CLASP1: variants seen among roughly 807,000 people sequenced by gnomAD.
CLASP1 encodes cytoplasmic linker associated protein 1, also known as CLIP-associating protein 1.
Under a neutral mutation model 192.3 loss-of-function variants are expected in CLASP1, and 38 were observed. The ratio of observed to expected loss-of-function variants is 0.20; its 90% CI spans 0.15 to 0.26. The LOEUF (loss-of-function observed/expected upper bound fraction) is 0.26, where lower values mean the gene tolerates loss of function less well. Ranked by LOEUF, CLASP1 falls within the 10% of genes least tolerant of loss-of-function variation. The pLI, the probability that CLASP1 is intolerant of heterozygous loss-of-function variation, is 1.00. For synonymous variants in CLASP1, 691 were observed against 712.8 expected (o/e 0.97, Z 0.49); for missense variants, 1,433 against 1,932.5 (o/e 0.74, Z 4.85).
intron 30 of CLASP1, among the ~76,000 whole-genome samples, chr2:121,389,390 G>A (rs537499251): frequency 1.3e-5 from 2 of 151,564 alleles, no homozygotes; most frequent in East Asian, 3.9e-4. Context: ...TTAATGTACT[G>A]TTTATTTGAT....
At chr2:121,358,663 T>C (rs557323262) in intron 37 of CLASP1, among the ~76,000 whole-genome samples, 1 of 152,210 alleles carries the variant, frequency 6.6e-6, no homozygotes, top group Non-Finnish European at 1.5e-5. Flanking sequence ...CTTTTATAAA[T>C]AACTTTGGTC....
chr2:121,366,719 CTCAT>C (rs1485574513), intron 35 of CLASP1, among the ~76,000 whole-genome samples: 1 of 152,210 alleles, frequency 6.6e-6, no homozygotes, highest in Non-Finnish European at 1.5e-5. Flanking sequence ...GTTCTAATTA[CTCAT>C]TCAAACTTGA....
At chr2:121,358,190 C>T (rs2065765230) in intron 37 of CLASP1, among the ~76,000 whole-genome samples, 2 of 152,090 alleles carry the variant, frequency 1.3e-5, no homozygotes, top group African/African-American at 4.8e-5. Context: ...CAAAAACCTA[C>T]AAAGGAAATG....
chr2:121,426,230 C>A (rs935911063), intron 21 of CLASP1, among the ~76,000 whole-genome samples: 1 of 152,018 alleles, frequency 6.6e-6, no homozygotes, highest in Non-Finnish European at 1.5e-5. Flanking sequence ...AAAAGTCAAA[C>A]AATACACCAC....
chr2:121,337,828 T>C (rs543963952), exon 40 of CLASP1: 1 of 152,208 alleles, frequency 6.6e-6, no homozygotes, highest in South Asian at 2.1e-4. Context: ...TTTTTTTTTT[T>C]CTTTTTTAGC....
chr2:121,598,679 C>T (rs149382266), intron 2 of CLASP1, among the ~76,000 whole-genome samples: 1,782 of 152,218 alleles, frequency 0.012, 39 homozygotes, highest in African/African-American at 0.04. Context: ...TAGGATACCA[C>T]TATCTATTTA....
rs909175867 is a variant in CLASP1 at position 121,530,890 on chromosome 2, T to G, written c.196-565A>C. 4.3e-6 allele frequency: 3 copies of G among 693,582 alleles called. No homozygotes were observed. The highest frequency in any genetic ancestry group is 1.8e-5 in the African/African-American group (1 of 57,040). 43.0% of individuals were successfully genotyped at this position (693,582 alleles called of 1,614,324 possible). A position where few individuals can be genotyped will look rare whatever the true frequency, so the allele number is the denominator to read the frequency against. ...GGGACTTTCTATTATAACCATCCTT[T>G]TCTTGGGGTTGCGCTACTGTCCAAT... is the stretch of plus-strand genomic sequence containing the variant. On this transcript the variant is annotated intron_variant, in intron 2 of 39. Transcript: ENST00000263710.
intron 2 of CLASP1, among the ~76,000 whole-genome samples, chr2:121,540,879 G>A (rs2095218436): frequency 6.6e-6 from 1 of 152,022 alleles, no homozygotes; most frequent in Non-Finnish European, 1.5e-5. Flanking sequence ...TATCATAAAA[G>A]TCAGAAGAGT....
intron 8 of CLASP1, among the ~76,000 whole-genome samples, chr2:121,501,435 G>A (rs966266478): frequency 3.3e-5 from 5 of 152,120 alleles, no homozygotes; most frequent in African/African-American, 1.2e-4. Context: ...AAAGCTGAAA[G>A]TATGTAAGCT....
chr2:121,500,409 G>GAA, intron 8 of CLASP1, among the ~76,000 whole-genome samples: 1 of 130,916 alleles, frequency 7.6e-6, no homozygotes, highest in East Asian at 2.3e-4. Flanking sequence ...AAGAAAGAAA[G>GAA]AAAGAAAAAA....
At chr2:121,451,491 A>G (rs2085464808) in intron 15 of CLASP1, among the ~76,000 whole-genome samples, 1 of 152,186 alleles carries the variant, frequency 6.6e-6, no homozygotes, top group Non-Finnish European at 1.5e-5. Context: ...GCAACTTTAA[A>G]CTGTTACCTC....
At chr2:121,418,722 G>T in exon 23 of CLASP1, 1 of 1,612,038 alleles carries the variant, frequency 6.2e-7, no homozygotes. Flanking sequence ...GGATACGGCT[G>T]CTCCGTGCTA....
chr2:121,400,378 G>A (rs1347909759), intron 28 of CLASP1, among the ~76,000 whole-genome samples: 1 of 152,176 alleles, frequency 6.6e-6, no homozygotes, highest in Non-Finnish European at 1.5e-5. Context: ...CTGGCATCAT[G>A]GTGTAGAGGA....
intron 5 of CLASP1, 45 bp from the exon 6 acceptor site, chr2:121,525,965 A>G: frequency 1.4e-6 from 2 of 1,436,090 alleles, no homozygotes; most frequent in Non-Finnish European, 2.0e-6. Context: ...AACTGAGGAA[A>G]GAAAGAAAGA....
chr2:121,516,201 C>T (rs1334472264), intron 6 of CLASP1, among the ~76,000 whole-genome samples: 1 of 152,122 alleles, frequency 6.6e-6, no homozygotes, highest in Non-Finnish European at 1.5e-5. Context: ...CATATGAAGT[C>T]CCATACTCAA....
intron 8 of CLASP1, among the ~76,000 whole-genome samples, 182 bp downstream of exon 8, chr2:121,502,985 T>C (rs1185297769): frequency 1.3e-5 from 2 of 152,202 alleles, no homozygotes; most frequent in Admixed American, 1.3e-4. Context: ...ATACAGGTTA[T>C]GAAAGAAAGT....
chr2:121,585,511 T>C (rs534767568), intron 2 of CLASP1, among the ~76,000 whole-genome samples: 1 of 152,268 alleles, frequency 6.6e-6, no homozygotes, highest in African/African-American at 2.4e-5. Flanking sequence ...CCGCATCCCC[T>C]GCCCTAAACA....
intron 14 of CLASP1, among the ~76,000 whole-genome samples, chr2:121,452,064 C>A (rs926496354): frequency 1.3e-5 from 2 of 152,168 alleles, no homozygotes; most frequent in Non-Finnish European, 1.5e-5. Context: ...CACAGGGACA[C>A]AGGGACAGGA....
intron 1 of CLASP1, among the ~76,000 whole-genome samples, chr2:121,624,968 C>T (rs762179918): frequency 1.3e-5 from 2 of 152,110 alleles, no homozygotes; most frequent in Non-Finnish European, 2.9e-5. Context: ...ATTCTGAATT[C>T]CCCAAATTTC....
Sources: gnomAD v4.1 joint callset for allele counts (sites outside exome capture counted in the v4.1 genomes callset) on GRCh38, gnomAD v4.1.1 for gene constraint, MANE v1.5 for transcripts, NCBI Gene and HGNC (gene_info 2026-07-23, HGNC 2026-07-21) for gene names.